Variants in DPYD observed in about 807,000 individuals in gnomAD.
DPYD encodes dihydropyrimidine dehydrogenase [NADP(+)].
DPYD carries 109 observed loss-of-function variants against 116.2 expected under a neutral mutation model. The ratio of observed to expected loss-of-function variants is 0.94; its 90% CI spans 0.80 to 1.10. The LOEUF (loss-of-function observed/expected upper bound fraction) is 1.10, where lower values mean the gene tolerates loss of function less well. Among genes scored for constraint, DPYD ranks in the 50% least tolerant of loss-of-function variants. DPYD has a pLI of 0.00. For missense variants in DPYD, 1,302 were observed against 1,254.5 expected (o/e 1.04, Z -0.57); for synonymous variants, 440 against 432.0 (o/e 1.02, Z -0.23).
intron 16 of DPYD, among the ~76,000 whole-genome samples, chr1:97,359,866 A>T (rs1161002191): frequency 6.6e-6 from 1 of 152,238 alleles, no homozygotes; most frequent in African/African-American, 2.4e-5. Context: ...GCCAAATTGT[A>T]AAGACCATCA....
chr1:97,676,885 C>T (rs1410551898), intron 8 of DPYD, among the ~76,000 whole-genome samples: 1 of 152,160 alleles, frequency 6.6e-6, no homozygotes, highest in Non-Finnish European at 1.5e-5. Flanking sequence ...AGCATAACTG[C>T]ATTCCTCACA....
intron 3 of DPYD, among the ~76,000 whole-genome samples, chr1:97,775,655 A>G (rs903422466): frequency 6.6e-6 from 1 of 152,176 alleles, no homozygotes; most frequent in African/African-American, 2.4e-5. Flanking sequence ...ATCATCTCCC[A>G]ACATATTATA....
chr1:97,097,069 G>A (rs983822196), intron 21 of DPYD, among the ~76,000 whole-genome samples: 9 of 152,096 alleles, frequency 5.9e-5, no homozygotes, highest in South Asian at 2.1e-4. Context: ...TCTGGCCTTC[G>A]CATTCCATTA....
chr1:97,770,935 TTATC>T (rs1272638053), intron 3 of DPYD, among the ~76,000 whole-genome samples: 4 of 152,204 alleles, frequency 2.6e-5, no homozygotes, highest in Admixed American at 1.3e-4. Flanking sequence ...ATTCAAATGT[TTATC>T]TAACATATGA....
At chr1:97,246,240 C>T (rs1326085367) in intron 18 of DPYD, among the ~76,000 whole-genome samples, 1 of 152,060 alleles carries the variant, frequency 6.6e-6, no homozygotes, top group Non-Finnish European at 1.5e-5. Context: ...AAAATTATTT[C>T]TTGTACCCAG....
intron 20 of DPYD, among the ~76,000 whole-genome samples, chr1:97,188,198 T>C (rs1398334123): frequency 6.6e-6 from 1 of 152,174 alleles, no homozygotes; most frequent in East Asian, 1.9e-4. Flanking sequence ...CATGACAGAA[T>C]TTCTGATTTT....
chr1:97,414,772 C>G (rs1299789445), intron 14 of DPYD, among the ~76,000 whole-genome samples: 1 of 152,246 alleles, frequency 6.6e-6, no homozygotes, highest in Non-Finnish European at 1.5e-5. Context: ...CTATATCTTA[C>G]TAGGCGTCCT....
chr1:97,917,890 C>A (rs184013240), intron 1 of DPYD, among the ~76,000 whole-genome samples: 1 of 152,228 alleles, frequency 6.6e-6, no homozygotes, highest in Non-Finnish European at 1.5e-5. Flanking sequence ...CAAAATAATT[C>A]TCATTTCCTT....
At position 97,260,313 on chromosome 1, in the gene DPYD, C is replaced by A. The variant is rs146083936; in HGVS notation, c.2300-25319G>T. ...GTTTTATAACTAGTTACATCAGTTT[C>A]TAAATATTTAGTTTTTAAGATTTCT... On this transcript the variant is annotated intron_variant, in intron 18 of 22. Coordinates refer to ENST00000370192, the MANE Select transcript of DPYD (RefSeq NM_000110.4). 5.3e-5 allele frequency among the ~76,000 whole-genome samples: 8 copies of A among 152,006 alleles called. 1 individual carries two copies. In the East Asian group the frequency reaches 1.5e-3, roughly 29 times the overall value.
chr1:97,879,233 T>C (rs112467215), intron 2 of DPYD, among the ~76,000 whole-genome samples: 265 of 152,122 alleles, frequency 1.7e-3, no homozygotes, highest in African/African-American at 6.2e-3. Context: ...ACAAAAAGCA[T>C]TGCAAATTCT....
chr1:97,199,302 A>G (rs1659040435), intron 19 of DPYD, among the ~76,000 whole-genome samples: 1 of 152,084 alleles, frequency 6.6e-6, no homozygotes, highest in African/African-American at 2.4e-5. Context: ...TTTCTATGCC[A>G]TATTAAGTTA....
At chr1:97,138,544 C>G (rs1159567051) in intron 20 of DPYD, among the ~76,000 whole-genome samples, 1 of 152,092 alleles carries the variant, frequency 6.6e-6, no homozygotes, top group African/African-American at 2.4e-5. Context: ...AGCTTGCGAG[C>G]TGGTGAGCAG....
intron 13 of DPYD, among the ~76,000 whole-genome samples, chr1:97,501,532 T>C (rs945499742): frequency 1.3e-5 from 2 of 151,896 alleles, no homozygotes; most frequent in Non-Finnish European, 2.9e-5. Context: ...CAACACCCTG[T>C]CTTTAAAAAC....
intron 7 of DPYD, among the ~76,000 whole-genome samples, chr1:97,683,052 T>C (rs1393024755): frequency 6.6e-6 from 1 of 151,998 alleles, no homozygotes; most frequent in Non-Finnish European, 1.5e-5. Context: ...TGACAACTTT[T>C]TTGTGGAGTA....
intron 8 of DPYD, among the ~76,000 whole-genome samples, chr1:97,638,209 G>T (rs1233733682): frequency 6.6e-6 from 1 of 152,094 alleles, no homozygotes; most frequent in Non-Finnish European, 1.5e-5. Flanking sequence ...CATACAGTGA[G>T]GGTAAAAACC....
intron 8 of DPYD, among the ~76,000 whole-genome samples, chr1:97,601,238 A>G (rs766142774): frequency 5.3e-5 from 8 of 152,082 alleles, no homozygotes; most frequent in Non-Finnish European, 1.2e-4. Context: ...AATTAGGTAG[A>G]AAAGTGCACA....
chr1:97,479,870 C>T (rs1340426253), intron 13 of DPYD, among the ~76,000 whole-genome samples: 1 of 152,110 alleles, frequency 6.6e-6, no homozygotes, highest in African/African-American at 2.4e-5. Flanking sequence ...TAATGGGATC[C>T]TGATATTATT....
intron 20 of DPYD, among the ~76,000 whole-genome samples, chr1:97,166,709 C>T (rs1198237947): frequency 3.3e-5 from 5 of 152,054 alleles, no homozygotes; most frequent in African/African-American, 4.8e-5. Context: ...GGCAGCTGAC[C>T]GACACAGCTA....
chr1:97,739,943 T>G (rs1664170790), intron 4 of DPYD, among the ~76,000 whole-genome samples: 1 of 152,130 alleles, frequency 6.6e-6, no homozygotes, highest in Non-Finnish European at 1.5e-5. Flanking sequence ...CATTATGAAT[T>G]ATTTCAAGTC....
Sources: allele counts gnomAD v4.1 joint callset (sites outside exome capture counted in the v4.1 genomes callset), GRCh38; gene constraint gnomAD v4.1.1; transcripts MANE v1.5; gene names NCBI Gene and HGNC (gene_info 2026-07-23, HGNC 2026-07-21).